ZNF454: variants seen among roughly 807,000 people sequenced by gnomAD.
The protein encoded by ZNF454 is zinc finger protein 454.
ZNF454 carries 30 observed loss-of-function variants against 48.2 expected under a neutral mutation model. That is an observed-to-expected ratio of 0.62 (90% CI 0.47 to 0.84). The LOEUF (loss-of-function observed/expected upper bound fraction) is 0.84. Ranked by LOEUF, ZNF454 falls within the 40% of genes least tolerant of loss-of-function variation. The pLI, the probability that ZNF454 is intolerant of heterozygous loss-of-function variation, is 0.00. For missense variants in ZNF454, 510 were observed against 623.1 expected (o/e 0.82, Z 1.93); for synonymous variants, 204 against 211.4 (o/e 0.97, Z 0.30).
At chr5:178,968,094 AC>A (rs1357449761), downstream of ZNF454, among the ~76,000 whole-genome samples, 2 of 117,796 alleles carry the variant, frequency 1.7e-5, no homozygotes, top group African/African-American at 6.2e-5. Context: ...CAGATAAGTA[AC>A]ATCTGTGCAT....
chr5:178,971,728 C>T, the ZNF454 span, among the ~76,000 whole-genome samples: 52 of 150,212 alleles, frequency 3.5e-4, no homozygotes, highest in South Asian at 2.7e-3. Context: ...TGGTGGCGGG[C>T]GCATGTAGTC....
chr5:178,974,404 C>T, the ZNF454 span, among the ~76,000 whole-genome samples: 1,605 of 152,130 alleles, frequency 0.011, 12 homozygotes, highest in Non-Finnish European at 0.013. Context: ...CTGCAGTCTC[C>T]GCCTCTGGGG....
rs1162288794 is a variant in ZNF454 at position 178,961,209 on chromosome 5, A to C, written c.251-3446A>C. Among the ~76,000 whole-genome samples the C allele has an allele frequency of 3.0e-4, 46 of 151,698 alleles. 3 individuals carry two copies. Among genetic ancestry groups the C allele is most frequent in the Admixed American group, 2.8e-3 (43 of 15,154 alleles). On this transcript the variant is annotated intron_variant, in intron 4 of 4. Transcript: ENST00000519564. Reference sequence around the variant, plus strand: ...CTCCCAAAGTGCTAGGATTACAGGCAAGAGCCACCACACCTGGCCCACAAT... The same window carrying C: ...CTCCCAAAGTGCTAGGATTACAGGCCAGAGCCACCACACCTGGCCCACAAT...
chr5:178,947,694 C>G (rs1178412093), intron 4 of ZNF454, among the ~76,000 whole-genome samples: 3 of 152,096 alleles, frequency 2.0e-5, no homozygotes, highest in Admixed American at 2.0e-4. Flanking sequence ...GTTTTTCTCC[C>G]TTAATCCCCA....
In ZNF454 at chr5:178,965,833, T is replaced by A; in HGVS notation, c.1429T>A (p.Phe477Ile). ...PYKCKICEKA[F>I]IRSTHLTQHQ... ...CAAATGTAAAATCTGTGAGAAAGCC[T>A]TTATCCGAAGCACTCACCTGACTCA... Residue 477 changes from phenylalanine (F) to isoleucine (I), a missense_variant, in exon 5 of 5, where the codon TTT becomes ATT. Coordinates refer to ENST00000519564, the MANE Select transcript of ZNF454 (RefSeq NM_001178089.3). This position sits in a 1 kb window ranked among gnomAD's most constrained non-coding sequence, Gnocchi z 5.2. The A allele has an allele frequency of 6.2e-7, 1 of 1,614,062 alleles. No homozygotes were observed. The highest frequency in any genetic ancestry group is 8.5e-7 in the Non-Finnish European group (1 of 1,180,032).
the ZNF454 span, among the ~76,000 whole-genome samples, chr5:178,983,969 C>T: frequency 2.6e-5 from 4 of 152,206 alleles, no homozygotes; most frequent in South Asian, 4.1e-4. Context: ...AGTGCCATGC[C>T]GAGCACCTGG....
At chr5:178,974,175 G>A in the ZNF454 span, among the ~76,000 whole-genome samples, 1 of 152,162 alleles carries the variant, frequency 6.6e-6, no homozygotes, top group Admixed American at 6.5e-5. Flanking sequence ...CCGAGTTGGC[G>A]ATAAGATAGG....
chr5:178,985,979 C>T, the ZNF454 span: 1 of 701,776 alleles, frequency 1.4e-6, no homozygotes, highest in Non-Finnish European at 2.4e-6. Context: ...CCAGGCTGGT[C>T]TCGAACTCCT....
chr5:178,946,785 C>T lies in ZNF454; in HGVS notation c.161-112C>T. On this transcript the variant is annotated intron_variant, in intron 3 of 4. Transcript: ENST00000519564. This position sits in a 1 kb window ranked among gnomAD's most constrained non-coding sequence, Gnocchi z 4.5. ...GGGAACACACCTGACCCTGGGCTTT[C>T]CTATCAAGTCCCATTTCCCAGCAAG... is the stretch of plus-strand genomic sequence containing the variant. The T allele has an allele frequency of 1.0e-6, 1 of 1,002,304 alleles. No homozygotes were observed. The highest frequency in any genetic ancestry group is 1.5e-6 in the Non-Finnish European group (1 of 655,606). The allele number at this position is 1,002,304 out of a possible 1,614,324, so 62.1% of individuals were successfully genotyped here.
chr5:178,948,420 A>G (rs1440957268), intron 4 of ZNF454, among the ~76,000 whole-genome samples: 1 of 152,264 alleles, frequency 6.6e-6, no homozygotes. Context: ...CCACCTTGGC[A>G]TCACTGTTTT....
At chr5:178,958,341 A>C (rs575101928) in intron 4 of ZNF454, among the ~76,000 whole-genome samples, 1 of 152,342 alleles carries the variant, frequency 6.6e-6, no homozygotes, top group South Asian at 2.1e-4. Context: ...ACTTTAAATC[A>C]TACAGTATGT....
chr5:178,977,782 G>A, the ZNF454 span, among the ~76,000 whole-genome samples: 5 of 151,862 alleles, frequency 3.3e-5, no homozygotes, highest in African/African-American at 7.3e-5. Context: ...ATGGTGTTTC[G>A]CCATGTTGGC....
At chr5:178,983,649 G>T in the ZNF454 span, 1 of 361,194 alleles carries the variant, frequency 2.8e-6, no homozygotes, top group South Asian at 2.1e-5. Context: ...CGTGTACTGA[G>T]CTTCAAAATC....
chr5:178,989,341 C>A, the ZNF454 span: 1 of 1,613,840 alleles, frequency 6.2e-7, no homozygotes, highest in Non-Finnish European at 8.5e-7. Flanking sequence ...CTTCCCAGAA[C>A]TCGGCGAACC....
intron 4 of ZNF454, among the ~76,000 whole-genome samples, chr5:178,963,197 C>A (rs2113273831): frequency 6.6e-6 from 1 of 151,892 alleles, no homozygotes; most frequent in Non-Finnish European, 1.5e-5. Context: ...CATCTGATGC[C>A]TTCAGACAGA....
At chr5:178,984,807 G>A in the ZNF454 span, among the ~76,000 whole-genome samples, 8 of 152,106 alleles carry the variant, frequency 5.3e-5, no homozygotes, top group Admixed American at 6.5e-5. Context: ...GGGGCTCGCC[G>A]GGAGTGGACA....
At chr5:178,977,761 G>T in the ZNF454 span, among the ~76,000 whole-genome samples, 9 of 152,162 alleles carry the variant, frequency 5.9e-5, no homozygotes, top group East Asian at 1.6e-3. Flanking sequence ...TAGAGATGGT[G>T]TTTTGCCGAG....
At chr5:178,969,640 A>T (rs1268437033), downstream of ZNF454, 1 of 456,726 alleles carries the variant, frequency 2.2e-6, no homozygotes, top group East Asian at 7.0e-5. Flanking sequence ...CACCACGACC[A>T]TGACCTTCAC....
At chr5:178,945,386 T>A (rs1315556459) in intron 2 of ZNF454, among the ~76,000 whole-genome samples, 1 of 146,512 alleles carries the variant, frequency 6.8e-6, no homozygotes, top group African/African-American at 2.5e-5. Flanking sequence ...TGTCTGTGTG[T>A]GAGTTTATGT....
Sources: allele counts gnomAD v4.1 joint callset (sites outside exome capture counted in the v4.1 genomes callset), GRCh38; gene constraint gnomAD v4.1.1; non-coding constraint Gnocchi (gnomAD v3.1); transcripts MANE v1.5; gene names NCBI Gene and HGNC (gene_info 2026-07-23, HGNC 2026-07-21).